AKAP13: variants seen among roughly 807,000 people sequenced by gnomAD.
The protein encoded by AKAP13 is A-kinase anchoring protein 13, also known as A-kinase anchor protein 13.
Under a neutral mutation model 264.5 loss-of-function variants are expected in AKAP13, and 80 were observed. That is an observed-to-expected ratio of 0.30 (90% CI 0.25 to 0.36). The LOEUF (loss-of-function observed/expected upper bound fraction) is 0.36, where lower values mean the gene tolerates loss of function less well. AKAP13 is among the 10% of genes least tolerant of loss of function. The pLI, the probability that AKAP13 is intolerant of heterozygous loss-of-function variation, is 1.00. For synonymous variants in AKAP13, 1,380 were observed against 1,250.2 expected (o/e 1.10, Z -2.19); for missense variants, 3,712 against 3,435.2 (o/e 1.08, Z -2.01).
intron 8 of AKAP13, among the ~76,000 whole-genome samples, chr15:85,621,667 C>A (rs564295742): frequency 1.3e-5 from 2 of 152,096 alleles, no homozygotes; most frequent in Non-Finnish European, 2.9e-5. Flanking sequence ...GCTTATTGGC[C>A]TCAGAGTTGC....
In AKAP13 at chr15:85,580,582, G is replaced by A. The variant is rs2079128517; in HGVS notation, c.2514G>A (p.Arg838=). ...GAAATTCGAATGAGCCTGATACGCG[G>A]CCACTAGAAGACAGGGCAGTAGGCC... is the stretch of plus-strand genomic sequence containing the variant. ...PDGNSNEPDT[R]PLEDRAVGLS... Residue 838 remains arginine (R), a synonymous_variant, in exon 7 of 37, where the codon CGG becomes CGA. Transcript: ENST00000394518. 1 of 1,614,204 alleles carries A rather than the reference G, an allele frequency of 6.2e-7. No individual in the cohort carries two copies.
At chr15:85,640,839 C>T (rs2082275533) in intron 9 of AKAP13, among the ~76,000 whole-genome samples, 1 of 152,182 alleles carries the variant, frequency 6.6e-6, no homozygotes, top group Non-Finnish European at 1.5e-5. Context: ...CTCCACACAT[C>T]ATAGTTTAAT....
At chr15:85,564,136 A>G (rs1005330235) in intron 5 of AKAP13, among the ~76,000 whole-genome samples, 3 of 152,234 alleles carry the variant, frequency 2.0e-5, no homozygotes, top group African/African-American at 4.8e-5. Flanking sequence ...CTCAAATAAT[A>G]CTAGTTTCTT....
intron 15 of AKAP13, 105 bp from the exon 16 acceptor site, chr15:85,684,636 C>A: frequency 8.1e-7 from 1 of 1,235,422 alleles, no homozygotes; most frequent in Non-Finnish European, 1.1e-6. Context: ...GTGGCATACT[C>A]TATAAAAAGC....
chr15:85,616,127 C>T (rs1239786630), intron 8 of AKAP13, among the ~76,000 whole-genome samples: 1 of 152,118 alleles, frequency 6.6e-6, no homozygotes, highest in African/African-American at 2.4e-5. Flanking sequence ...GAGCCCTACC[C>T]CTATCCCCAC....
chr15:85,603,583 A>G (rs1418429189), intron 8 of AKAP13, among the ~76,000 whole-genome samples: 3 of 152,226 alleles, frequency 2.0e-5, no homozygotes, highest in Non-Finnish European at 4.4e-5. Context: ...TGTGGCATAC[A>G]TGGACTTTAC....
intron 5 of AKAP13, among the ~76,000 whole-genome samples, chr15:85,551,401 G>A (rs557024514): frequency 2.0e-5 from 3 of 152,286 alleles, no homozygotes; most frequent in South Asian, 2.1e-4. Flanking sequence ...GAAGGTGGGC[G>A]TTTTATCTCC....
rs1006994181 is a variant in AKAP13 at position 85,744,899 on chromosome 15, A to G, written c.*222A>G. ...CTTCGGCCATGATTTGTGACTGCCC[A>G]GGACTCTCAGGTTGGGCTGGCCCTA... On this transcript the variant is annotated 3_prime_UTR_variant, in exon 37 of 37. Transcript: ENST00000394518. The G allele has an allele frequency of 1.0e-5, 5 of 484,004 alleles. No individual in the cohort carries two copies. The highest frequency in any genetic ancestry group is 1.0e-4 in the African/African-American group (5 of 49,594). 30.0% of individuals were successfully genotyped at this position (484,004 alleles called of 1,614,324 possible).
At chr15:85,702,419 G>A (rs2085981946) in intron 17 of AKAP13, 1 of 152,194 alleles carries the variant, frequency 6.6e-6, no homozygotes, top group African/African-American at 2.4e-5. Context: ...GCAGGAAGTA[G>A]AAAATATGAG....
intron 1 of AKAP13, among the ~76,000 whole-genome samples, chr15:85,384,788 C>T (rs1468107475): frequency 6.6e-6 from 1 of 151,592 alleles, no homozygotes; most frequent in African/African-American, 2.4e-5. Flanking sequence ...TTGTTTCCTG[C>T]GTTTGTCCTC....
In AKAP13 at chr15:85,631,585, T is replaced by A. The variant is rs373300071; in HGVS notation, c.4162-7789T>A. ...CAATGTGGTGATTTGGATGGGATCC[T>A]GGAACAGAAAGAGAACACTAATGGG... is the stretch of plus-strand genomic sequence containing the variant. On this transcript the variant is annotated intron_variant, in intron 8 of 36. Transcript: ENST00000394518. Among the ~76,000 whole-genome samples, 28 of 150,372 alleles carry A rather than the reference T, an allele frequency of 1.9e-4. No homozygotes were observed. In the East Asian group the frequency reaches 4.9e-3, roughly 26 times the overall value.
At chr15:85,696,361 C>T (rs1185005430) in intron 17 of AKAP13, among the ~76,000 whole-genome samples, 1 of 152,064 alleles carries the variant, frequency 6.6e-6, no homozygotes, top group Non-Finnish European at 1.5e-5. Context: ...TGAAGAATAC[C>T]CCGCTCCCTT....
At chr15:85,548,412 C>T (rs571311965) in intron 5 of AKAP13, among the ~76,000 whole-genome samples, 12 of 152,056 alleles carry the variant, frequency 7.9e-5, no homozygotes, top group Admixed American at 3.3e-4. Flanking sequence ...AATATTTCTT[C>T]TTGGAGAAAG....
intron 3 of AKAP13, among the ~76,000 whole-genome samples, chr15:85,525,224 AT>A (rs547214323): frequency 1.3e-5 from 2 of 151,506 alleles, no homozygotes; most frequent in Non-Finnish European, 2.9e-5. Context: ...CACCTGGCTA[AT>A]TTTTTTGTAT....
At chr15:85,544,583 TCTC>T (rs530052520) in intron 5 of AKAP13, among the ~76,000 whole-genome samples, 79 of 152,318 alleles carry the variant, frequency 5.2e-4, no homozygotes, top group Non-Finnish European at 1.0e-3. Context: ...TTTAAAGAGT[TCTC>T]TAGAGGAAGG....
chr15:85,693,270 T>C lies in AKAP13; in HGVS notation c.5290-7T>C. The stretch of plus-strand genomic sequence containing the variant: ...TTAACTGTGGATTATTTTCTTTTCT[T>C]CGGCAGGAAAAGGAAAAAGAAAAAG... On this transcript the variant is annotated splice_region_variant and splice_polypyrimidine_tract_variant and intron_variant, in intron 16 of 36. Coordinates refer to ENST00000394518, the MANE Select transcript of AKAP13 (RefSeq NM_007200.5). 1 of 1,589,278 alleles carries C rather than the reference T, an allele frequency of 6.3e-7. No individual in the cohort carries two copies. Among genetic ancestry groups the C allele is most frequent in the Non-Finnish European group, 8.5e-7 (1 of 1,172,568 alleles).
intron 3 of AKAP13, among the ~76,000 whole-genome samples, chr15:85,528,115 TTTTG>T (rs2077139227): frequency 6.6e-6 from 1 of 152,196 alleles, no homozygotes; most frequent in Non-Finnish European, 1.5e-5. Flanking sequence ...GCTTCAGCAG[TTTTG>T]TTTATCAGTA....
chr15:85,592,107 A>G (rs1187009981), intron 8 of AKAP13, among the ~76,000 whole-genome samples: 1 of 122,756 alleles, frequency 8.1e-6, no homozygotes, highest in Non-Finnish European at 1.7e-5. Flanking sequence ...CTGAATTTCC[A>G]TTCTTAGTTA....
At chr15:85,629,684 G>A (rs1257156786) in intron 8 of AKAP13, among the ~76,000 whole-genome samples, 1 of 150,712 alleles carries the variant, frequency 6.6e-6, no homozygotes, top group Non-Finnish European at 1.5e-5. Context: ...GCCTTCTCAG[G>A]GGTATGTAAA....
Sources: allele counts gnomAD v4.1 joint callset (sites outside exome capture counted in the v4.1 genomes callset), GRCh38; gene constraint gnomAD v4.1.1; transcripts MANE v1.5; gene names NCBI Gene and HGNC (gene_info 2026-07-23, HGNC 2026-07-21).